Variants in TRPM3 observed in about 807,000 individuals in gnomAD.
TRPM3 encodes the protein transient receptor potential cation channel subfamily M member 3.
Under a neutral mutation model 181.2 loss-of-function variants are expected in TRPM3, and 77 were observed. That is an observed-to-expected ratio of 0.42 (90% confidence interval 0.35 to 0.51). TRPM3 has a LOEUF of 0.51. Ranked by LOEUF, TRPM3 falls within the 20% of genes least tolerant of loss-of-function variation. TRPM3 has a pLI of 0.01. For synonymous variants in TRPM3, 745 were observed against 796.4 expected, an observed-to-expected ratio of 0.94 and a Z score of 1.09; for missense variants, 1,759 against 2,196.7, an observed-to-expected ratio of 0.80 and a Z score of 3.98.
At chr9:70,661,024 A>G (rs1372227851) in intron 9 of TRPM3, among the ~76,000 whole-genome samples, 1 of 152,184 alleles carries the variant, frequency 6.6e-6, no homozygotes, top group Non-Finnish European at 1.5e-5. Flanking sequence ...ACACAGATGC[A>G]AAAATCCTCA....
At position 70,625,329 on chromosome 9, in the gene TRPM3, C is replaced by G. The variant is rs745401593; in HGVS notation, c.1671G>C (p.Gly557=). 1.2e-6 allele frequency: 2 copies of G among 1,613,872 alleles called. No homozygotes were observed. The highest frequency in any genetic ancestry group is 1.7e-5 in the Admixed American group (1 of 59,988). ...YPGFGWIYFK[G]NLPPDYRISL... is the part of the protein sequence containing the mutation. Reference sequence around the variant, plus strand: ...TGATTCTGTAGTCTGGGGGCAGGTTCCCCTATCAGGGTAGAATGAAACAAA... The same window carrying G: ...TGATTCTGTAGTCTGGGGGCAGGTTGCCCTATCAGGGTAGAATGAAACAAA... The change falls in exon 14 of 26, where the codon GGG becomes GGC. Residue 557 remains glycine (G), a splice_region_variant and synonymous_variant. Coordinates refer to ENST00000677713, the MANE Select transcript of TRPM3 (RefSeq NM_001366145.2). The surrounding 1 kb of genome is among the most constrained non-coding windows in gnomAD (Gnocchi z 4.8).
intron 1 of TRPM3, among the ~76,000 whole-genome samples, chr9:70,987,963 T>A (rs376552242): frequency 2.0e-5 from 3 of 152,178 alleles, no homozygotes; most frequent in Non-Finnish European, 2.9e-5. Context: ...GTACTCCTTA[T>A]AATTTATTAT....
chr9:70,991,205 T>C (rs1033045123), intron 1 of TRPM3, among the ~76,000 whole-genome samples: 1 of 152,200 alleles, frequency 6.6e-6, no homozygotes, highest in Non-Finnish European at 1.5e-5. Context: ...AATTCAGTGG[T>C]CCATGAACTT....
chr9:71,318,046 T>G (rs1346839035), intron 1 of TRPM3, among the ~76,000 whole-genome samples: 1 of 152,104 alleles, frequency 6.6e-6, no homozygotes, highest in South Asian at 2.1e-4. Flanking sequence ...GGCCAGGAGT[T>G]TGAGAGCAGC....
chr9:70,634,527 T>TATTA (rs1491234296), intron 12 of TRPM3, among the ~76,000 whole-genome samples: 7 of 152,206 alleles, frequency 4.6e-5, no homozygotes, highest in African/African-American at 1.7e-4. Context: ...AGCTCATGAC[T>TATTA]ATTATTATTT....
intron 1 of TRPM3, among the ~76,000 whole-genome samples, chr9:71,308,334 T>C (rs546220387): frequency 6.6e-6 from 1 of 152,264 alleles, no homozygotes; most frequent in Non-Finnish European, 1.5e-5. Context: ...AGGTCTAAAT[T>C]TAGAGGATTA....
chr9:71,116,513 A>G (rs971636972), intron 1 of TRPM3, among the ~76,000 whole-genome samples: 1 of 152,232 alleles, frequency 6.6e-6, no homozygotes, highest in African/African-American at 2.4e-5. Flanking sequence ...GGTTATTTGG[A>G]TCTTACTTTG....
intron 1 of TRPM3, among the ~76,000 whole-genome samples, chr9:71,317,251 A>G (rs1236139600): frequency 2.0e-5 from 3 of 152,220 alleles, no homozygotes; most frequent in Non-Finnish European, 4.4e-5. Context: ...TATTTGGGCC[A>G]GAAGTATGAA....
intron 1 of TRPM3, chr9:70,917,339 GGA>G: frequency 1.7e-6 from 2 of 1,163,434 alleles, no homozygotes; most frequent in Non-Finnish European, 2.6e-6. Flanking sequence ...TCCAGAATAT[GGA>G]GATACTCCCA....
intron 1 of TRPM3, among the ~76,000 whole-genome samples, chr9:71,180,941 G>C (rs566838756): frequency 6.6e-6 from 1 of 152,154 alleles, no homozygotes; most frequent in East Asian, 1.9e-4. Context: ...CCTTTTAGTC[G>C]TAGGAGAAGT....
At chr9:71,114,368 C>T (rs1030450358) in intron 1 of TRPM3, among the ~76,000 whole-genome samples, 7 of 152,202 alleles carry the variant, frequency 4.6e-5, no homozygotes, top group African/African-American at 1.7e-4. Context: ...TTTTGTTATA[C>T]CTGAACCACC....
chr9:71,278,952 A>G (rs1224624707), intron 1 of TRPM3, among the ~76,000 whole-genome samples: 1 of 151,940 alleles, frequency 6.6e-6, no homozygotes, highest in African/African-American at 2.4e-5. Flanking sequence ...TACTAACACC[A>G]TAAGAACATA....
rs891401232 is a variant in TRPM3, at chr9:71,349,922, G to C, written c.183+96731C>G. 2.7e-4 allele frequency among the ~76,000 whole-genome samples: 41 copies of C among 149,754 alleles called. 1 individual carries two copies. Among genetic ancestry groups the C allele is most frequent in the Admixed American group, 7.3e-4 (11 of 15,000 alleles). ...TCATAATAGTGTTCTCATTGTAAGT[G>C]CATATATATAGACACTCCATCATAA... is the stretch of plus-strand genomic sequence containing the variant. On this transcript the variant is annotated intron_variant, in intron 1 of 24. Transcript: ENST00000357533.
intron 1 of TRPM3, among the ~76,000 whole-genome samples, chr9:71,178,779 A>C (rs1293757932): frequency 2.0e-5 from 3 of 152,072 alleles, no homozygotes; most frequent in Non-Finnish European, 4.4e-5. Flanking sequence ...GTGACGCACA[A>C]ATGTTACAGG....
intron 1 of TRPM3, among the ~76,000 whole-genome samples, chr9:70,974,493 C>T (rs1294930511): frequency 6.6e-6 from 1 of 152,014 alleles, no homozygotes; most frequent in African/African-American, 2.4e-5. Context: ...GAGCCGAGAG[C>T]GCGCCACTGC....
intron 1 of TRPM3, among the ~76,000 whole-genome samples, chr9:71,176,142 T>C (rs954718384): frequency 1.3e-5 from 2 of 152,188 alleles, no homozygotes; most frequent in Non-Finnish European, 2.9e-5. Context: ...TTAGAGGTAT[T>C]CCTTCTACTT....
At chr9:70,948,306 G>A (rs1019779377) in intron 1 of TRPM3, among the ~76,000 whole-genome samples, 1 of 150,280 alleles carries the variant, frequency 6.7e-6, no homozygotes, top group Admixed American at 6.6e-5. Context: ...TTTTAGCCTG[G>A]AAAAGTTGGG....
At chr9:70,668,534 G>A (rs191480676) in intron 9 of TRPM3, among the ~76,000 whole-genome samples, 1,529 of 151,766 alleles carry the variant, frequency 0.01, 22 homozygotes, top group African/African-American at 0.035. Context: ...GCGTGGTGGC[G>A]GGCGCCCGTA....
Position 70,618,578 on chromosome 9 carries a change from C to G in TRPM3, c.2358+289G>C, listed in dbSNP as rs532298582. ...TGGCTTTGCTTGTGCAAATGGCAGC[C>G]CCTGCAGTACCTGTGCGTGGCCATC... is the stretch of plus-strand genomic sequence containing the variant. On this transcript the variant is annotated intron_variant, in intron 17 of 25. Coordinates refer to ENST00000677713, the MANE Select transcript of TRPM3 (RefSeq NM_001366145.2). Among the ~76,000 whole-genome samples the G allele has an allele frequency of 2.0e-5, 3 of 152,268 alleles. No homozygotes were observed. In the South Asian group the frequency reaches 6.2e-4, roughly 32 times the overall value.
Sources: gnomAD v4.1 joint callset for allele counts (sites outside exome capture counted in the v4.1 genomes callset) on GRCh38, gnomAD v4.1.1 for gene constraint, Gnocchi (gnomAD v3.1) non-coding constraint, MANE v1.5 for transcripts, NCBI Gene and HGNC (gene_info 2026-07-23, HGNC 2026-07-21) for gene names.